XRCC4: variants seen among roughly 807,000 people sequenced by gnomAD.
XRCC4 encodes X-ray repair cross complementing 4, also known as DNA repair protein XRCC4.
In XRCC4, 28 loss-of-function variants were observed where a neutral mutation model predicts 39.1. The observed-to-expected ratio is 0.72, with a 90% confidence interval of 0.53 to 0.98. The LOEUF (loss-of-function observed/expected upper bound fraction) is 0.98, where lower values mean the gene tolerates loss of function less well. Among genes scored for constraint, XRCC4 ranks in the 50% least tolerant of loss-of-function variants. XRCC4 has a pLI of 0.00. For missense variants in XRCC4, 350 were observed against 376.4 expected, an observed-to-expected ratio of 0.93 and a Z score of 0.58; for synonymous variants, 123 against 126.4, an observed-to-expected ratio of 0.97 and a Z score of 0.18.
intron 7 of XRCC4, among the ~76,000 whole-genome samples, chr5:83,283,376 C>A (rs1025854898): frequency 2.0e-5 from 3 of 152,156 alleles, no homozygotes; most frequent in African/African-American, 4.8e-5. Context: ...TCATAATTCT[C>A]ATTTCTTCCA....
intron 7 of XRCC4, among the ~76,000 whole-genome samples, chr5:83,324,958 G>T (rs1187397839): frequency 2.6e-5 from 4 of 152,052 alleles, no homozygotes; most frequent in Admixed American, 6.6e-5. Flanking sequence ...AGAATGGACG[G>T]CCTCCCCACC....
intron 1 of XRCC4, among the ~76,000 whole-genome samples, chr5:83,083,124 C>T (rs1020950105): frequency 4.6e-5 from 7 of 152,174 alleles, no homozygotes; most frequent in Non-Finnish European, 1.0e-4. Flanking sequence ...GCCCCTACCC[C>T]TATCTCCTCC....
intron 3 of XRCC4, among the ~76,000 whole-genome samples, chr5:83,163,133 G>C (rs970732133): frequency 2.0e-5 from 3 of 151,894 alleles, no homozygotes; most frequent in Middle Eastern, 6.8e-3. Context: ...TTTTAGTAAA[G>C]ACGGGGTTTC....
At chr5:83,230,213 C>T (rs1752448135) in intron 6 of XRCC4, among the ~76,000 whole-genome samples, 1 of 151,994 alleles carries the variant, frequency 6.6e-6, no homozygotes, top group Non-Finnish European at 1.5e-5. Context: ...AATTTTACCT[C>T]TCCTAATAAA....
intron 7 of XRCC4, among the ~76,000 whole-genome samples, chr5:83,262,345 C>T (rs974115824): frequency 6.6e-6 from 1 of 152,018 alleles, no homozygotes; most frequent in African/African-American, 2.4e-5. Flanking sequence ...GGGAGTACAT[C>T]GGTCATAAAG....
At chr5:83,145,045 G>A (rs1392607511) in intron 3 of XRCC4, among the ~76,000 whole-genome samples, 5 of 151,886 alleles carry the variant, frequency 3.3e-5, no homozygotes, top group African/African-American at 7.3e-5. Flanking sequence ...ACAGGCACCC[G>A]CCACCACGCC....
At chr5:83,174,803 A>G (rs900834258) in intron 3 of XRCC4, among the ~76,000 whole-genome samples, 10 of 152,322 alleles carry the variant, frequency 6.6e-5, no homozygotes, top group East Asian at 5.8e-4. Flanking sequence ...TAGTACTGCA[A>G]TAGTTCAACA....
chr5:83,320,255 A>C (rs1410251827), intron 7 of XRCC4, among the ~76,000 whole-genome samples: 18 of 148,360 alleles, frequency 1.2e-4, no homozygotes, highest in African/African-American at 3.5e-4. Flanking sequence ...ATACCTAATG[A>C]TAGATGACAC....
At chr5:83,114,977 A>G (rs114397494) in intron 3 of XRCC4, among the ~76,000 whole-genome samples, 5,637 of 152,304 alleles carry the variant, frequency 0.037, 156 homozygotes, top group Middle Eastern at 0.12. Flanking sequence ...TACGTCTTAC[A>G]TGGTGGCAGG....
chr5:83,258,197 C>G (rs531551575), intron 6 of XRCC4, among the ~76,000 whole-genome samples: 2 of 151,680 alleles, frequency 1.3e-5, no homozygotes, highest in African/African-American at 4.8e-5. Context: ...TAAAAAAAAA[C>G]TATGCAGTTT....
intron 6 of XRCC4, among the ~76,000 whole-genome samples, chr5:83,234,201 A>T (rs1352352991): frequency 6.6e-6 from 1 of 152,176 alleles, no homozygotes; most frequent in Admixed American, 6.5e-5. Context: ...ACAATGTGCC[A>T]GGAGGTGAAT....
chr5:83,304,747 T>C (rs1271185666), intron 7 of XRCC4, among the ~76,000 whole-genome samples: 1 of 152,148 alleles, frequency 6.6e-6, no homozygotes, highest in Non-Finnish European at 1.5e-5. Context: ...ATAAGTTTAA[T>C]AGATAAGACT....
chr5:83,166,289 A>G lies in XRCC4; in HGVS notation c.316-29481A>G, dbSNP rs543005571. On this transcript the variant is annotated intron_variant, in intron 3 of 7. Coordinates refer to ENST00000396027, the MANE Select transcript of XRCC4 (RefSeq NM_003401.5). ...AGTGCTGCAATGAACATACATGTGC[A>G]TTTGTCTTTATAATAGAAAGATTCA... Among the ~76,000 whole-genome samples, 8 of 152,216 alleles carry G rather than the reference A, an allele frequency of 5.3e-5. No individual in the cohort carries two copies. In the South Asian group the frequency reaches 8.3e-4, roughly 16 times the overall value.
At chr5:83,330,731 T>A (rs1756412561) in intron 7 of XRCC4, among the ~76,000 whole-genome samples, 1 of 152,088 alleles carries the variant, frequency 6.6e-6, no homozygotes, top group Non-Finnish European at 1.5e-5. Context: ...TATAACTATA[T>A]GTATCAAATA....
intron 7 of XRCC4, among the ~76,000 whole-genome samples, chr5:83,346,157 G>A (rs1270828400): frequency 6.6e-6 from 1 of 152,138 alleles, no homozygotes; most frequent in East Asian, 1.9e-4. Flanking sequence ...TGTCATTAAT[G>A]TTTCCTCTTT....
rs1252393873 is a variant in XRCC4, at chr5:83,322,969, C to CA, written c.894-30159dup. ...TAGGAAATAAATGCACTGAGGAACTCAAAGTTTAATGAAAGAGACAAACAC... is the reference window on the plus strand; with the variant it reads ...TAGGAAATAAATGCACTGAGGAACTCAAAAGTTTAATGAAAGAGACAAACAC... On this transcript the variant is annotated intron_variant, in intron 7 of 7. Transcript: ENST00000396027. 2.0e-5 allele frequency among the ~76,000 whole-genome samples: 3 copies of CA among 152,228 alleles called. No homozygotes were observed. The East Asian group carries it at 5.8e-4, about 29-fold the overall frequency.
chr5:83,253,966 G>A (rs1015268895), intron 6 of XRCC4, among the ~76,000 whole-genome samples: 2 of 152,080 alleles, frequency 1.3e-5, no homozygotes, highest in Non-Finnish European at 2.9e-5. Flanking sequence ...AACAGGGCTT[G>A]TGAAAAGATT....
chr5:83,306,092 G>T (rs1755473323), intron 7 of XRCC4, among the ~76,000 whole-genome samples: 1 of 150,876 alleles, frequency 6.6e-6, no homozygotes. Context: ...ACCAAGGTTA[G>T]CCCAGAACAT....
At position 83,156,605 on chromosome 5, in the gene XRCC4, G is replaced by A. The variant is rs141113639; in HGVS notation, c.316-39165G>A. ...CTTCTTGGCCGAAGAGTACAAACTG[G>A]GTGTATGGCCTATTAGCCAGCATAA... On this transcript the variant is annotated intron_variant, in intron 3 of 7. Coordinates refer to ENST00000396027, the MANE Select transcript of XRCC4 (RefSeq NM_003401.5). Among the ~76,000 whole-genome samples, 514 of 152,086 alleles carry A rather than the reference G, an allele frequency of 3.4e-3. 1 individual carries two copies. Among genetic ancestry groups the A allele is most frequent in the African/African-American group, 0.011 (476 of 41,488 alleles).
Sources: allele counts gnomAD v4.1 joint callset (sites outside exome capture counted in the v4.1 genomes callset), GRCh38; gene constraint gnomAD v4.1.1; transcripts MANE v1.5; gene names NCBI Gene and HGNC (gene_info 2026-07-23, HGNC 2026-07-21).